STEAP2: variants seen among roughly 807,000 people sequenced by gnomAD.
STEAP2 encodes STEAP2 metalloreductase, also known as metalloreductase STEAP2.
Under a neutral mutation model 46.4 loss-of-function variants are expected in STEAP2, and 30 were observed. The observed-to-expected ratio is 0.65, with a 90% confidence interval of 0.48 to 0.88. The LOEUF (loss-of-function observed/expected upper bound fraction) is 0.88, where lower values mean the gene tolerates loss of function less well. STEAP2 is among the 40% of genes least tolerant of loss of function. The pLI is 0.00. For synonymous variants in STEAP2, 180 were observed against 200.5 expected (o/e 0.90, Z 0.86); for missense variants, 513 against 579.3 (o/e 0.89, Z 1.18).
chr7:90,239,553 T>G (rs1454141160), downstream of STEAP2, among the ~76,000 whole-genome samples: 5 of 152,230 alleles, frequency 3.3e-5, no homozygotes, highest in African/African-American at 1.2e-4. Flanking sequence ...AAGACAGTTC[T>G]ATCCTGGGGT....
chr7:90,225,849 G>C (rs1162386888), intron 3 of STEAP2, among the ~76,000 whole-genome samples: 2 of 152,096 alleles, frequency 1.3e-5, no homozygotes, highest in African/African-American at 4.8e-5. Flanking sequence ...TGTGGAACAA[G>C]CTTTTATAAG....
intron 2 of STEAP2, among the ~76,000 whole-genome samples, chr7:90,217,116 G>A (rs1475189479): frequency 6.6e-6 from 1 of 152,198 alleles, no homozygotes; most frequent in Non-Finnish European, 1.5e-5. Context: ...AGCCTGCTTA[G>A]ACTAACTTTT....
At chr7:90,227,741 T>A (rs1307664337) in intron 4 of STEAP2, among the ~76,000 whole-genome samples, 1 of 152,194 alleles carries the variant, frequency 6.6e-6, no homozygotes. Flanking sequence ...AATAGAGGGT[T>A]GGGTTCTCCC....
At chr7:90,241,190 A>ACC (rs1491495426), downstream of STEAP2, among the ~76,000 whole-genome samples, 1 of 151,640 alleles carries the variant, frequency 6.6e-6, no homozygotes, top group East Asian at 1.9e-4. Flanking sequence ...ACACACACAC[A>ACC]CTCACACACA....
Position 90,235,258 on chromosome 7 carries a change from T to A in STEAP2, c.*2634T>A, listed in dbSNP as rs1056822771. 3 of 982,634 alleles carry A rather than the reference T, an allele frequency of 3.1e-6. No individual in the cohort carries two copies. In the African/African-American group the frequency reaches 5.2e-5, roughly 17 times the overall value. 60.9% of individuals were successfully genotyped at this position (982,634 alleles called of 1,614,324 possible). Reference sequence around the variant, plus strand: ...ATGCATCTGTTGTTTCAAATGGCACTATCTTCTTTTCAGTACTACAAAAAC... The same window carrying A: ...ATGCATCTGTTGTTTCAAATGGCACAATCTTCTTTTCAGTACTACAAAAAC... On this transcript the variant is annotated 3_prime_UTR_variant, in exon 6 of 6. Coordinates refer to ENST00000394621, the MANE Select transcript of STEAP2 (RefSeq NM_001244944.2).
At position 90,233,242 on chromosome 7, in the gene STEAP2, T is replaced by C. The variant is rs911407438; in HGVS notation, c.*618T>C. 2 of 940,536 alleles carry C rather than the reference T, an allele frequency of 2.1e-6. No homozygotes were observed. The highest frequency in any genetic ancestry group is 2.5e-6 in the Non-Finnish European group (2 of 789,292). 58.3% of individuals were successfully genotyped at this position (940,536 alleles called of 1,614,324 possible). ...TAAACCTGAAATTATATTTAAAATA[T>C]ATTTGAGACATGAAATACATACTGA... is the stretch of plus-strand genomic sequence containing the variant. On this transcript the variant is annotated 3_prime_UTR_variant, in exon 6 of 6. Transcript: ENST00000394621.
At chr7:90,214,574 G>T (rs1390696514) in intron 1 of STEAP2, among the ~76,000 whole-genome samples, 2 of 152,054 alleles carry the variant, frequency 1.3e-5, no homozygotes, top group African/African-American at 4.8e-5. Flanking sequence ...CAGAGAAAAT[G>T]GATAGCTGGG....
chr7:90,223,593 T>C (rs976435115), intron 2 of STEAP2, among the ~76,000 whole-genome samples: 7 of 152,244 alleles, frequency 4.6e-5, no homozygotes, highest in African/African-American at 1.4e-4. Flanking sequence ...GCTTGCGCTC[T>C]GAACTCACTC....
intron 1 of STEAP2, among the ~76,000 whole-genome samples, chr7:90,214,510 G>T (rs1254779620): frequency 6.6e-6 from 1 of 152,110 alleles, no homozygotes; most frequent in Non-Finnish European, 1.5e-5. Context: ...TGAAACTAAT[G>T]AGCTCAGTTT....
At chr7:90,225,980 A>G (rs1211529368) in intron 3 of STEAP2, among the ~76,000 whole-genome samples, 1 of 152,006 alleles carries the variant, frequency 6.6e-6, no homozygotes, top group Non-Finnish European at 1.5e-5. Flanking sequence ...TTCCTTAGAA[A>G]ATAAGTTTCA....
intron 5 of STEAP2, among the ~76,000 whole-genome samples, chr7:90,230,723 G>A (rs1795705575): frequency 6.6e-6 from 1 of 151,740 alleles, no homozygotes; most frequent in African/African-American, 2.4e-5. Flanking sequence ...CTGAAACATA[G>A]ACCCTTCCTA....
At position 90,227,030 on chromosome 7, in the gene STEAP2, G is replaced by A; in HGVS notation, c.552G>A (p.Gln184=). The A allele has an allele frequency of 6.2e-7, 1 of 1,612,454 alleles. No individual in the cohort carries two copies. Among genetic ancestry groups the A allele is most frequent in the Non-Finnish European group, 8.5e-7 (1 of 1,179,408 alleles). ...AACAGGTTATTGAACTTGCCCGCCAGTTGAATTTCATTCCCATTGACTTGG... is the reference window on the plus strand; with the variant it reads ...AACAGGTTATTGAACTTGCCCGCCAATTGAATTTCATTCCCATTGACTTGG... ...ARQQVIELAR[Q]LNFIPIDLGS... Residue 184 remains glutamine, a synonymous_variant, in exon 4 of 6, where the codon CAG becomes CAA. Transcript: ENST00000394621.
Position 90,232,366 on chromosome 7 carries a change from A to T in STEAP2, c.1215A>T (p.Ile405=). 5.0e-6 allele frequency: 8 copies of T among 1,612,638 alleles called. No individual in the cohort carries two copies. The highest frequency in any genetic ancestry group is 6.8e-6 in the Non-Finnish European group (8 of 1,179,202). ...QSTLGYVALL[I]STFHVLIYGW... ...CACTTGGATATGTCGCTCTGCTCAT[A>T]AGTACTTTCCATGTTTTAATTTATG... Residue 405 remains isoleucine, a synonymous_variant, in exon 6 of 6, where the codon ATA becomes ATT. Coordinates refer to ENST00000394621, the MANE Select transcript of STEAP2 (RefSeq NM_001244944.2).
At chr7:90,214,854 G>A (rs1404212673) in intron 1 of STEAP2, among the ~76,000 whole-genome samples, 2 of 152,170 alleles carry the variant, frequency 1.3e-5, no homozygotes, top group Non-Finnish European at 2.9e-5. Flanking sequence ...TGACTGAGGT[G>A]GGGTAGAGGC....
At chr7:90,241,061 T>A (rs1296034092), downstream of STEAP2, among the ~76,000 whole-genome samples, 1 of 152,160 alleles carries the variant, frequency 6.6e-6, no homozygotes, top group Non-Finnish European at 1.5e-5. Flanking sequence ...CACTATTATT[T>A]GGGAACAAAG....
downstream of STEAP2, chr7:90,237,788 T>C: frequency 4.3e-6 from 1 of 229,960 alleles, no homozygotes; most frequent in Non-Finnish European, 8.6e-6. Flanking sequence ...ACTAAAATAG[T>C]CATTTAGAAA....
chr7:90,235,433 C>T lies in STEAP2; in HGVS notation c.*2809C>T, dbSNP rs1453338875. The T allele has an allele frequency of 3.1e-6, 3 of 982,374 alleles. No homozygotes were observed. The African/African-American group carries it at 5.3e-5, about 17-fold the overall frequency. 60.9% of individuals were successfully genotyped at this position (982,374 alleles called of 1,614,324 possible). A position where few individuals can be genotyped will look rare whatever the true frequency, so the allele number is the denominator to read the frequency against. ...TTTCTTAATTGTTATTTTTTATAAT[C>T]ATTATTTTTCTGAACCATTCTTCTG... is the stretch of plus-strand genomic sequence containing the variant. On this transcript the variant is annotated 3_prime_UTR_variant, in exon 6 of 6. Coordinates refer to ENST00000394621, the MANE Select transcript of STEAP2 (RefSeq NM_001244944.2).
chr7:90,233,950 G>A lies in STEAP2; in HGVS notation c.*1326G>A. 1 of 985,276 alleles carries A rather than the reference G, an allele frequency of 1.0e-6. No individual in the cohort carries two copies. Among genetic ancestry groups the A allele is most frequent in the South Asian group, 4.7e-5 (1 of 21,282 alleles). 61.0% of individuals were successfully genotyped at this position (985,276 alleles called of 1,614,324 possible). On this transcript the variant is annotated 3_prime_UTR_variant, in exon 6 of 6. Coordinates refer to ENST00000394621, the MANE Select transcript of STEAP2 (RefSeq NM_001244944.2). ...ACAGTTACTTACCCTATTCTTGCTT[G>A]GAACATGAGCCTGGAGACCCATGGC...
rs1795833719 is a variant in STEAP2 at position 90,233,271 on chromosome 7, T to C, written c.*647T>C. The C allele has an allele frequency of 1.1e-6, 1 of 942,482 alleles. No homozygotes were observed. Among genetic ancestry groups the C allele is most frequent in the African/African-American group, 1.8e-5 (1 of 56,230 alleles). The allele number at this position is 942,482 out of a possible 1,614,324, so 58.4% of individuals were successfully genotyped here. On this transcript the variant is annotated 3_prime_UTR_variant, in exon 6 of 6. Coordinates refer to ENST00000394621, the MANE Select transcript of STEAP2 (RefSeq NM_001244944.2). ...TGAGACATGAAATACATACTGATAA[T>C]ACATACCTCATGAAAGATTTTATTC...
Sources: allele counts gnomAD v4.1 joint callset (sites outside exome capture counted in the v4.1 genomes callset), GRCh38; gene constraint gnomAD v4.1.1; transcripts MANE v1.5; gene names NCBI Gene and HGNC (gene_info 2026-07-23, HGNC 2026-07-21).